BABAM2: variants seen among roughly 807,000 people sequenced by gnomAD.
BABAM2 encodes BRISC and BRCA1-A complex member 2.
Under a neutral mutation model 54.7 loss-of-function variants are expected in BABAM2, and 31 were observed. The observed-to-expected ratio is 0.57, with a 90% CI of 0.43 to 0.77. The LOEUF is 0.77. Ranked by LOEUF, BABAM2 falls within the 30% of genes least tolerant of loss-of-function variation. The probability of loss-of-function intolerance (pLI) is 0.00; values close to 1 mark genes in which losing one functional copy is unlikely to be tolerated. For synonymous variants in BABAM2, 167 were observed against 162.9 expected, an observed-to-expected ratio of 1.03 and a Z score of -0.19; for missense variants, 364 against 455.8, an observed-to-expected ratio of 0.80 and a Z score of 1.83.
intron 7 of BABAM2, among the ~76,000 whole-genome samples, chr2:28,183,746 C>CACACACAT (rs750602784): frequency 0.022 from 3,311 of 150,006 alleles, 48 homozygotes; most frequent in Non-Finnish European, 0.031. Context: ...AGATCACACA[C>CACACACAT]ACACACACAC....
At chr2:28,103,639 T>G (rs1387387907) in intron 6 of BABAM2, among the ~76,000 whole-genome samples, 1 of 152,174 alleles carries the variant, frequency 6.6e-6, no homozygotes, top group Non-Finnish European at 1.5e-5. Context: ...CCCACTCTGT[T>G]TTTATCGAGG....
At chr2:28,112,822 C>T (rs565341107) in intron 6 of BABAM2, among the ~76,000 whole-genome samples, 3 of 152,302 alleles carry the variant, frequency 2.0e-5, no homozygotes, top group South Asian at 4.1e-4. Flanking sequence ...ACACTCTCAA[C>T]AGTGTAAAAG....
intron 11 of BABAM2, chr2:28,327,318 T>C (rs780832364): frequency 6.2e-7 from 1 of 1,613,720 alleles, no homozygotes; most frequent in Non-Finnish European, 8.5e-7. Context: ...TGGGAGCAAG[T>C]CCTGGCCTTT....
At chr2:28,229,520 A>T (rs1212674684) in intron 7 of BABAM2, among the ~76,000 whole-genome samples, 2 of 152,056 alleles carry the variant, frequency 1.3e-5, no homozygotes, top group Admixed American at 6.5e-5. Flanking sequence ...AACTCTTCTC[A>T]TTTATACTGT....
At chr2:28,176,592 A>C (rs1383710459) in intron 7 of BABAM2, among the ~76,000 whole-genome samples, 2 of 145,784 alleles carry the variant, frequency 1.4e-5, no homozygotes, top group African/African-American at 5.0e-5. Flanking sequence ...AAAAAAAAAA[A>C]AAAACCTCAC....
intron 8 of BABAM2, among the ~76,000 whole-genome samples, chr2:28,240,976 G>A (rs1308727541): frequency 6.6e-6 from 1 of 151,882 alleles, no homozygotes; most frequent in African/African-American, 2.4e-5. Context: ...AATGGACAGG[G>A]TACTAGATGA....
intron 3 of BABAM2, among the ~76,000 whole-genome samples, chr2:27,953,536 C>T (rs560306479): frequency 2.0e-4 from 30 of 152,090 alleles, no homozygotes; most frequent in African/African-American, 6.5e-4. Context: ...AAGTGATCCT[C>T]CCTCCTCGGC....
At chr2:28,233,237 T>C in intron 7 of BABAM2, 1 of 471,396 alleles carries the variant, frequency 2.1e-6, no homozygotes, top group South Asian at 1.5e-5. Flanking sequence ...AAGTGGTCCC[T>C]TTCATCTCCT....
chr2:28,214,629 G>A (rs1679771028), intron 7 of BABAM2, among the ~76,000 whole-genome samples: 1 of 152,036 alleles, frequency 6.6e-6, no homozygotes, highest in Admixed American at 6.6e-5. Context: ...TTTTGAATAA[G>A]AGTGGTGACA....
At chr2:28,066,151 T>G (rs1012801944) in intron 6 of BABAM2, among the ~76,000 whole-genome samples, 3 of 148,586 alleles carry the variant, frequency 2.0e-5, no homozygotes, top group Non-Finnish European at 4.5e-5. Context: ...AGAATGAGAC[T>G]CCATCTCATC....
chr2:27,990,587 A>G (rs570419224), intron 4 of BABAM2, among the ~76,000 whole-genome samples: 114 of 152,300 alleles, frequency 7.5e-4, no homozygotes, highest in African/African-American at 2.4e-3. Flanking sequence ...ATATACCCTT[A>G]GAACCTGGGA....
At chr2:28,208,763 G>A (rs1573847028) in intron 7 of BABAM2, among the ~76,000 whole-genome samples, 1 of 152,136 alleles carries the variant, frequency 6.6e-6, no homozygotes, top group Non-Finnish European at 1.5e-5. Flanking sequence ...TGGCCTCTGA[G>A]TACATACATA....
At chr2:28,192,710 G>A (rs943862692) in intron 7 of BABAM2, among the ~76,000 whole-genome samples, 2 of 151,358 alleles carry the variant, frequency 1.3e-5, no homozygotes, top group Non-Finnish European at 1.5e-5. Flanking sequence ...TTTTAGTAGA[G>A]ATGGGGTTTC....
At chr2:28,272,230 A>G (rs1280742126) in intron 10 of BABAM2, among the ~76,000 whole-genome samples, 4 of 152,260 alleles carry the variant, frequency 2.6e-5, no homozygotes. Flanking sequence ...TCAAAGGACA[A>G]ATAGAAATCA....
chr2:28,029,775 T>C (rs1195977613), intron 5 of BABAM2, among the ~76,000 whole-genome samples: 1 of 152,218 alleles, frequency 6.6e-6, no homozygotes, highest in African/African-American at 2.4e-5. Flanking sequence ...GGAATTTCCA[T>C]ACTGTTTCCT....
rs556368665 is a variant in BABAM2, at chr2:28,148,145, A to G, written c.680+18765A>G. ...TGTCAGGTCCATTACTTTCAGATCA[A>G]GATCTCATCTCTTGGAATACTGTGT... On this transcript the variant is annotated intron_variant, in intron 7 of 11. Transcript: ENST00000379624. Among the ~76,000 whole-genome samples the G allele has an allele frequency of 3.9e-5, 6 of 152,310 alleles. No homozygotes were observed. In the South Asian group the frequency reaches 1.2e-3, roughly 32 times the overall value.
At chr2:28,090,784 T>C (rs1435460495) in intron 6 of BABAM2, among the ~76,000 whole-genome samples, 3 of 152,176 alleles carry the variant, frequency 2.0e-5, no homozygotes, top group Non-Finnish European at 4.4e-5. Flanking sequence ...AGTAGCGTTA[T>C]TTTGTTCTCT....
Position 28,026,865 on chromosome 2 carries a change from T to TATATATATTTATATATATAG in BABAM2, c.495+1464_495+1465insGATATATATTTATATATATA, listed in dbSNP as rs1558667274. The stretch of plus-strand genomic sequence containing the variant: ...ATAAATATATATTTATATATATAGA[T>TATATATATTTATATATATAG]ATATATATTTATATATATATAGATA... On this transcript the variant is annotated intron_variant, in intron 5 of 11. Coordinates refer to ENST00000379624, the MANE Select transcript of BABAM2 (RefSeq NM_199191.3). 7.3e-4 allele frequency among the ~76,000 whole-genome samples: 36 copies of TATATATATTTATATATATAG among 49,572 alleles called. 5 individuals carry two copies. The highest frequency in any genetic ancestry group is 4.0e-3 in the African/African-American group (35 of 8,806). The allele number at this position is 49,572 out of a possible 152,430, so 32.5% of individuals were successfully genotyped here.
chr2:28,061,013 T>C (rs1678816372), intron 6 of BABAM2, among the ~76,000 whole-genome samples: 1 of 152,162 alleles, frequency 6.6e-6, no homozygotes, highest in South Asian at 2.1e-4. Context: ...GGACCTAGAA[T>C]AGCCTAAACA....
Sources: gnomAD v4.1 joint callset for allele counts (sites outside exome capture counted in the v4.1 genomes callset) on GRCh38, gnomAD v4.1.1 for gene constraint, MANE v1.5 for transcripts, NCBI Gene and HGNC (gene_info 2026-07-23, HGNC 2026-07-21) for gene names.